The following RGSL1 variants were observed in gnomAD, a reference collection of about 807,000 sequenced individuals.
The protein encoded by RGSL1 is regulator of G protein signaling protein-like.
A neutral mutation model predicts 124.7 loss-of-function variants in RGSL1; 97 were observed. That is an observed-to-expected ratio of 0.78 (90% CI 0.66 to 0.92). RGSL1 has a LOEUF of 0.92. RGSL1 is among the 40% of genes least tolerant of loss of function. The probability of loss-of-function intolerance (pLI) is 0.00; values close to 1 mark genes in which losing one functional copy is unlikely to be tolerated. For synonymous variants in RGSL1, 424 were observed against 438.1 expected (o/e 0.97, Z 0.40); for missense variants, 1,233 against 1,288.4 (o/e 0.96, Z 0.66).
intron 9 of RGSL1, among the ~76,000 whole-genome samples, chr1:182,515,553 A>AGGGG (rs3031621): frequency 1.2e-4 from 13 of 108,994 alleles, no homozygotes; most frequent in African/African-American, 3.1e-4. Context: ...AAAAAAAAAA[A>AGGGG]GGGGGGGGCG....
chr1:182,534,546 G>C (rs1157453432), intron 14 of RGSL1, among the ~76,000 whole-genome samples: 2 of 152,172 alleles, frequency 1.3e-5, no homozygotes, highest in Non-Finnish European at 2.9e-5. Flanking sequence ...AGTTCTAGCA[G>C]GCTGGGCACG....
At chr1:182,536,319 A>G (rs1240525702) in intron 14 of RGSL1, among the ~76,000 whole-genome samples, 3 of 152,196 alleles carry the variant, frequency 2.0e-5, no homozygotes, top group Non-Finnish European at 4.4e-5. Flanking sequence ...ATCTGAAAGT[A>G]GAAATGCTGG....
chr1:182,460,106 A>T lies in RGSL1; in HGVS notation c.274A>T (p.Ile92Phe). ...CCATTACATTCTCTGTCAGGAGTTC[A>T]TCAGTTTCATTAAGTCCCCAGAAGG... Reference protein sequence around the residue: ...CFHYILCQEFISFIKSPEGGE... With the variant: ...CFHYILCQEFFSFIKSPEGGE... Residue 92 changes from isoleucine to phenylalanine, a missense_variant, in exon 4 of 22, where the codon ATC becomes TTC. Transcript: ENST00000294854. The T allele has an allele frequency of 1.9e-6, 3 of 1,551,456 alleles. No homozygotes were observed. Among genetic ancestry groups the T allele is most frequent in the South Asian group, 1.2e-5 (1 of 84,048 alleles).
intron 20 of RGSL1, chr1:182,555,684 T>C (rs1660824085): frequency 3.5e-6 from 1 of 286,016 alleles, no homozygotes; most frequent in Non-Finnish European, 6.6e-6. Flanking sequence ...AGGCTTGGTG[T>C]CCTTGCCAGC....
upstream of RGSL1, chr1:182,449,437 G>C (rs1651659001): frequency 6.6e-6 from 1 of 152,186 alleles, no homozygotes; most frequent in East Asian, 1.9e-4. Context: ...GCCCTCTCTG[G>C]GTGTGACACT....
Position 182,473,889 on chromosome 1 carries a change from G to A in RGSL1, c.778G>A (p.Asp260Asn). Residue 260 changes from aspartate to asparagine, a missense_variant, in exon 6 of 22, where the codon GAT (aspartate) becomes AAT (asparagine). Transcript: ENST00000294854. The part of the protein sequence containing the change: ...KAKRKMWQLV[D>N]PDSWSLEMDL... ...CAAGAGGAAGATGTGGCAATTGGTA[G>A]ATCCTGACTCTTGGTCTCTGGAAAT... 6.4e-7 allele frequency: 1 copy of A among 1,551,898 alleles called. No individual in the cohort carries two copies. The highest frequency in any genetic ancestry group is 1.2e-5 in the South Asian group (1 of 84,060).
At chr1:182,553,653 T>C (rs1660698654) in intron 19 of RGSL1, 112 bp downstream of exon 19, 2 of 855,916 alleles carry the variant, frequency 2.3e-6, no homozygotes, top group South Asian at 1.7e-5. Flanking sequence ...ACCCCCAAAA[T>C]GTGAAGTAAC....
chr1:182,506,810 T>A (rs1656840650), intron 9 of RGSL1, among the ~76,000 whole-genome samples: 1 of 152,208 alleles, frequency 6.6e-6, no homozygotes, highest in African/African-American at 2.4e-5. Context: ...ATGTGACAAT[T>A]AAACACATTC....
At chr1:182,538,356 C>T (rs544469018) in intron 14 of RGSL1, among the ~76,000 whole-genome samples, 26 of 152,050 alleles carry the variant, frequency 1.7e-4, no homozygotes, top group African/African-American at 6.3e-4. Flanking sequence ...GGTGACACTC[C>T]GTCTCTACTA....
chr1:182,554,703 A>G lies in RGSL1; in HGVS notation c.3197+10A>G. 6.4e-7 allele frequency: 1 copy of G among 1,551,562 alleles called. No individual in the cohort carries two copies. The highest frequency in any genetic ancestry group is 1.4e-5 in the African/African-American group (1 of 73,172). On this transcript the variant is annotated intron_variant, in intron 20 of 21. Transcript: ENST00000294854. The stretch of plus-strand genomic sequence containing the variant: ...TGCATCCCGTCCAGGGGTAGGCATG[A>G]GCTGGAAATCCTCTTCTTCAGTCCA...
intron 9 of RGSL1, among the ~76,000 whole-genome samples, chr1:182,508,530 C>A (rs1657022417): frequency 6.6e-6 from 1 of 151,622 alleles, no homozygotes; most frequent in East Asian, 1.9e-4. Context: ...AACTCCTGAC[C>A]TCAGGTGATC....
intron 4 of RGSL1, among the ~76,000 whole-genome samples, chr1:182,469,598 G>T (rs763786116): frequency 6.6e-6 from 1 of 152,066 alleles, no homozygotes; most frequent in Non-Finnish European, 1.5e-5. Context: ...TAGCATGGAG[G>T]TTTCTCAAAA....
chr1:182,452,978 G>A (rs956836814), intron 1 of RGSL1, among the ~76,000 whole-genome samples: 3 of 152,094 alleles, frequency 2.0e-5, no homozygotes, highest in African/African-American at 7.2e-5. Flanking sequence ...GTGATGGTGG[G>A]CCATTGATAA....
chr1:182,496,084 G>T (rs1305448207), intron 9 of RGSL1, among the ~76,000 whole-genome samples: 3 of 152,178 alleles, frequency 2.0e-5, no homozygotes, highest in East Asian at 1.9e-4. Context: ...CATAATGCTG[G>T]CATCTGCTTG....
At chr1:182,522,352 G>A (rs1307077258) in intron 10 of RGSL1, among the ~76,000 whole-genome samples, 1 of 152,070 alleles carries the variant, frequency 6.6e-6, no homozygotes, top group Non-Finnish European at 1.5e-5. Flanking sequence ...GACATCTCAT[G>A]TCTGTATGTG....
At chr1:182,525,126 C>T (rs1300318305) in intron 10 of RGSL1, among the ~76,000 whole-genome samples, 1 of 152,140 alleles carries the variant, frequency 6.6e-6, no homozygotes, top group Non-Finnish European at 1.5e-5. Flanking sequence ...GCAAACAAAA[C>T]CATCAACAGC....
chr1:182,550,855 T>C (rs1558435233), intron 17 of RGSL1: 1 of 499,982 alleles, frequency 2.0e-6, no homozygotes, highest in Non-Finnish European at 3.5e-6. Flanking sequence ...TCACTGATGG[T>C]TCCAGAAAGA....
intron 8 of RGSL1, among the ~76,000 whole-genome samples, chr1:182,492,628 C>CTTT (rs34513069): frequency 3.5e-5 from 5 of 141,764 alleles, no homozygotes; most frequent in Non-Finnish European, 7.6e-5. Context: ...TTTAAATAAC[C>CTTT]TTTTTTTTTT....
At chr1:182,521,499 C>T (rs766574530) in intron 9 of RGSL1, among the ~76,000 whole-genome samples, 9 of 151,990 alleles carry the variant, frequency 5.9e-5, no homozygotes, top group Non-Finnish European at 7.4e-5. Context: ...AAGCAGTGTC[C>T]GTGGGAAAGA....
Sources: allele counts gnomAD v4.1 joint callset (sites outside exome capture counted in the v4.1 genomes callset), GRCh38; gene constraint gnomAD v4.1.1; transcripts MANE v1.5; gene names NCBI Gene and HGNC (gene_info 2026-07-23, HGNC 2026-07-21).